GMDS: variants seen among roughly 807,000 people sequenced by gnomAD.
GMDS encodes GDP-mannose 4,6 dehydratase.
Under a neutral mutation model 49.9 loss-of-function variants are expected in GMDS, and 20 were observed. The observed-to-expected ratio is 0.40, with a 90% CI of 0.28 to 0.58. The LOEUF is 0.58. Ranked by LOEUF, GMDS falls within the 20% of genes least tolerant of loss-of-function variation. GMDS has a pLI of 0.42. For synonymous variants in GMDS, 177 were observed against 178.6 expected (o/e 0.99, Z 0.07); for missense variants, 362 against 481.4 (o/e 0.75, Z 2.32).
intron 1 of GMDS, among the ~76,000 whole-genome samples, chr6:2,145,491 C>A (rs1581709894): frequency 6.6e-6 from 1 of 151,820 alleles, no homozygotes; most frequent in African/African-American, 2.4e-5. Context: ...TGAGCTGGCA[C>A]GGTGCCACTA....
chr6:2,174,655 C>T (rs1308304308), intron 1 of GMDS, among the ~76,000 whole-genome samples: 1 of 152,050 alleles, frequency 6.6e-6, no homozygotes, highest in African/African-American at 2.4e-5. Context: ...ACAACCTCCA[C>T]CTCCTGGGTT....
At chr6:2,175,218 T>A (rs1458600503) in intron 1 of GMDS, among the ~76,000 whole-genome samples, 5 of 152,146 alleles carry the variant, frequency 3.3e-5, no homozygotes, top group African/African-American at 2.4e-5. Flanking sequence ...TAACTTACAA[T>A]ATATTAACTC....
chr6:2,050,781 A>G (rs979407557), intron 4 of GMDS, among the ~76,000 whole-genome samples: 2 of 152,210 alleles, frequency 1.3e-5, no homozygotes, highest in East Asian at 1.9e-4. Context: ...CAAAAACCAC[A>G]TGATTATCTC....
intron 1 of GMDS, among the ~76,000 whole-genome samples, chr6:2,233,780 G>A (rs1048063114): frequency 8.5e-5 from 13 of 152,268 alleles, no homozygotes; most frequent in South Asian, 6.2e-4. Flanking sequence ...GGCAGTGATC[G>A]CGCCACTGCA....
At chr6:1,832,854 A>G (rs937155889) in intron 7 of GMDS, among the ~76,000 whole-genome samples, 2 of 152,228 alleles carry the variant, frequency 1.3e-5, no homozygotes, top group Non-Finnish European at 2.9e-5. Context: ...GATGAGCTTC[A>G]GCGGAAAAGT....
At chr6:2,065,606 G>C (rs1382022966) in intron 4 of GMDS, among the ~76,000 whole-genome samples, 1 of 152,146 alleles carries the variant, frequency 6.6e-6, no homozygotes, top group Non-Finnish European at 1.5e-5. Flanking sequence ...ACCAAGGCTC[G>C]AGAACTACGT....
chr6:2,020,703 A>G (rs1768228130), intron 4 of GMDS, among the ~76,000 whole-genome samples: 1 of 152,164 alleles, frequency 6.6e-6, no homozygotes, highest in South Asian at 2.1e-4. Flanking sequence ...GGAAATTAAT[A>G]TTTAATGTAA....
chr6:2,113,945 A>T (rs1008732597), intron 4 of GMDS, among the ~76,000 whole-genome samples: 8 of 152,188 alleles, frequency 5.3e-5, no homozygotes, highest in African/African-American at 1.9e-4. Flanking sequence ...TAAACTTCAC[A>T]TGTGTAGCAA....
intron 1 of GMDS, among the ~76,000 whole-genome samples, chr6:2,147,347 A>G (rs1776607715): frequency 6.6e-6 from 1 of 152,180 alleles, no homozygotes; most frequent in Non-Finnish European, 1.5e-5. Flanking sequence ...AACCAATACT[A>G]GCTTGCCCCC....
intron 6 of GMDS, among the ~76,000 whole-genome samples, chr6:1,940,954 C>A (rs1762794317): frequency 6.6e-6 from 1 of 152,134 alleles, no homozygotes; most frequent in Non-Finnish European, 1.5e-5. Context: ...AGGAGCACCC[C>A]CTCAATTATG....
rs1011368177 is a variant in GMDS at position 2,121,795 on chromosome 6, G to A, written c.147+2892C>T. ...GTGCTACATGAATTCCATACACAGG[G>A]TTTGTTTTTGCCTACACCACCCACC... On this transcript the variant is annotated intron_variant, in intron 2 of 10. Coordinates refer to ENST00000380815, the MANE Select transcript of GMDS (RefSeq NM_001500.4). 2.6e-5 allele frequency among the ~76,000 whole-genome samples: 4 copies of A among 152,116 alleles called. No individual in the cohort carries two copies. In the South Asian group the frequency reaches 6.2e-4, roughly 24 times the overall value.
chr6:2,126,518 G>A (rs2127512089), intron 1 of GMDS, among the ~76,000 whole-genome samples: 1 of 152,330 alleles, frequency 6.6e-6, no homozygotes, highest in East Asian at 1.9e-4. Flanking sequence ...TGAAAGGACT[G>A]CCAAGTGTGT....
intron 1 of GMDS, among the ~76,000 whole-genome samples, chr6:2,209,436 T>A (rs551857569): frequency 1.4e-4 from 21 of 152,312 alleles, no homozygotes; most frequent in South Asian, 4.1e-4. Flanking sequence ...GGGGGAGTAG[T>A]CCCGCACAAT....
chr6:1,814,346 T>C (rs1770565779), intron 7 of GMDS, among the ~76,000 whole-genome samples: 1 of 151,858 alleles, frequency 6.6e-6, no homozygotes, highest in Non-Finnish European at 1.5e-5. Context: ...CTAAAAGAGG[T>C]GTGCATTTTG....
At chr6:1,934,535 G>C (rs1435576776) in intron 6 of GMDS, among the ~76,000 whole-genome samples, 1 of 151,940 alleles carries the variant, frequency 6.6e-6, no homozygotes, top group Non-Finnish European at 1.5e-5. Context: ...CCTTTATTTT[G>C]GTCTTTTAAA....
chr6:1,845,204 T>C lies in GMDS; in HGVS notation c.771+84899A>G, dbSNP rs551327162. Among the ~76,000 whole-genome samples the C allele has an allele frequency of 2.6e-5, 4 of 152,324 alleles. No homozygotes were observed. In the South Asian group the frequency reaches 8.3e-4, roughly 32 times the overall value. On this transcript the variant is annotated intron_variant, in intron 7 of 10. Transcript: ENST00000380815. ...ATGTCATCATCTGACTCTCTAATGA[T>C]TCCTCTATTGTACATTAAAAGTAAA...
intron 4 of GMDS, among the ~76,000 whole-genome samples, chr6:2,060,391 C>G (rs1320045616): frequency 6.6e-6 from 1 of 152,030 alleles, no homozygotes; most frequent in Non-Finnish European, 1.5e-5. Flanking sequence ...TTCTTGAAAA[C>G]AGCAAAACAA....
rs935588134 is a variant in GMDS, at chr6:1,679,981, T to C, written c.987+46435A>G. The C allele has an allele frequency of 2.0e-5, 3 of 152,162 alleles. No homozygotes were observed. The South Asian group carries it at 6.2e-4, about 32-fold the overall frequency. 9.4% of individuals were successfully genotyped at this position (152,162 alleles called of 1,614,324 possible). On this transcript the variant is annotated intron_variant, in intron 9 of 10. Transcript: ENST00000380815. ...ACAAAATAAAAGATTGACAATGAAATATATTGTTCTTGGATGTCACAGCCT... is the reference window on the plus strand; with the variant it reads ...ACAAAATAAAAGATTGACAATGAAACATATTGTTCTTGGATGTCACAGCCT...
chr6:1,840,595 A>G (rs1757113142), intron 7 of GMDS, among the ~76,000 whole-genome samples: 1 of 152,166 alleles, frequency 6.6e-6, no homozygotes, highest in African/African-American at 2.4e-5. Context: ...GCTAGTGGGG[A>G]GCCCCTACGC....
Sources: gnomAD v4.1 joint callset for allele counts (sites outside exome capture counted in the v4.1 genomes callset) on GRCh38, gnomAD v4.1.1 for gene constraint, MANE v1.5 for transcripts, NCBI Gene and HGNC (gene_info 2026-07-23, HGNC 2026-07-21) for gene names.